The following SPATA13 variants were observed in gnomAD, a reference collection of about 807,000 sequenced individuals.
The protein encoded by SPATA13 is spermatogenesis associated 13.
Under a neutral mutation model 104.0 loss-of-function variants are expected in SPATA13, and 50 were observed. The observed-to-expected ratio is 0.48, with a 90% CI of 0.38 to 0.61. The LOEUF (loss-of-function observed/expected upper bound fraction) is 0.61, where lower values mean the gene tolerates loss of function less well. SPATA13 is among the 20% of genes least tolerant of loss of function. The pLI, the probability that SPATA13 is intolerant of heterozygous loss-of-function variation, is 0.00. For synonymous variants in SPATA13, 606 were observed against 667.5 expected (o/e 0.91, Z 1.42); for missense variants, 1,524 against 1,690.6 (o/e 0.90, Z 1.73).
At chr13:24,170,955 C>A (rs1485557491) in intron 1 of SPATA13, among the ~76,000 whole-genome samples, 2 of 151,992 alleles carry the variant, frequency 1.3e-5, no homozygotes, top group African/African-American at 2.4e-5. Flanking sequence ...GTTACACTTG[C>A]ATGGTTATTC....
chr13:24,083,656 A>G (rs1391325077), intron 3 of SPATA13, among the ~76,000 whole-genome samples: 1 of 152,224 alleles, frequency 6.6e-6, no homozygotes, highest in East Asian at 1.9e-4. Context: ...AGAGTGGATT[A>G]AAAGGTTACT....
At chr13:24,076,431 C>T (rs552804642) in intron 3 of SPATA13, among the ~76,000 whole-genome samples, 16 of 152,294 alleles carry the variant, frequency 1.1e-4, no homozygotes, top group East Asian at 3.9e-4. Flanking sequence ...ATGAAAACAG[C>T]TGTCCCAAAG....
rs917338885 is a variant in SPATA13, at chr13:24,090,615, A to G, written c.-112+72914A>G. ...TCTCCCATCCCACTGTCCCTACCCC[A>G]CTTAGAGTTACCACAGCTTCTTGAC... On this transcript the variant is annotated intron_variant, in intron 3 of 14. Coordinates refer to the SPATA13 transcript ENST00000424834. 8.6e-5 allele frequency among the ~76,000 whole-genome samples: 13 copies of G among 152,038 alleles called. No homozygotes were observed. The East Asian group carries it at 2.5e-3, about 29-fold the overall frequency.
At chr13:24,055,226 T>C (rs1454260034) in intron 3 of SPATA13, among the ~76,000 whole-genome samples, 2 of 152,226 alleles carry the variant, frequency 1.3e-5, no homozygotes, top group Non-Finnish European at 2.9e-5. Context: ...TTCTATCTTG[T>C]TGTTGTTCTT....
intron 1 of SPATA13, among the ~76,000 whole-genome samples, chr13:24,193,863 G>A (rs1324627339): frequency 6.6e-6 from 1 of 152,202 alleles, no homozygotes; most frequent in Non-Finnish European, 1.5e-5. Flanking sequence ...TGAGGAAGAT[G>A]GATGTGGAGA....
chr13:24,160,738 C>G lies in SPATA13; in HGVS notation c.-306C>G. 17 of 985,554 alleles carry G rather than the reference C, an allele frequency of 1.7e-5. No individual in the cohort carries two copies. Among genetic ancestry groups the G allele is most frequent in the Non-Finnish European group, 2.0e-5 (17 of 830,160 alleles). 61.1% of individuals were successfully genotyped at this position (985,554 alleles called of 1,614,324 possible). ...CTTGGCTGAGTGTGCTGCCGCGGCGCGGGAGGAGAGTGTGCGTTGCGCTTT... is the reference window on the plus strand; with the variant it reads ...CTTGGCTGAGTGTGCTGCCGCGGCGGGGGAGGAGAGTGTGCGTTGCGCTTT... On this transcript the variant is annotated 5_prime_UTR_variant, in exon 1 of 13. Coordinates refer to ENST00000382108, the MANE Select transcript of SPATA13 (RefSeq NM_001166271.3).
At chr13:24,163,498 T>C (rs991938862) in intron 1 of SPATA13, among the ~76,000 whole-genome samples, 3 of 152,256 alleles carry the variant, frequency 2.0e-5, no homozygotes, top group African/African-American at 7.2e-5. Context: ...GACAGATCTT[T>C]ATGGTCTCTG....
At chr13:24,276,976 C>T (rs57532147) in intron 4 of SPATA13, among the ~76,000 whole-genome samples, 2,710 of 152,302 alleles carry the variant, frequency 0.018, 75 homozygotes, top group African/African-American at 0.062. Flanking sequence ...ATTTCCCCAT[C>T]AGCAATTCGT....
At chr13:23,980,254 C>G (rs1874817740) in intron 1 of SPATA13, among the ~76,000 whole-genome samples, 1 of 152,136 alleles carries the variant, frequency 6.6e-6, no homozygotes, top group Non-Finnish European at 1.5e-5. Context: ...ATAGGGGCGC[C>G]GGGGCAGTAG....
intron 3 of SPATA13, among the ~76,000 whole-genome samples, chr13:24,058,044 C>T (rs374097665): frequency 1.1e-4 from 16 of 151,856 alleles, no homozygotes; most frequent in South Asian, 2.1e-4. Context: ...ATACACCCAA[C>T]GCAAGATGAG....
chr13:24,174,969 A>AT, intron 1 of SPATA13, among the ~76,000 whole-genome samples: 1 of 152,076 alleles, frequency 6.6e-6, no homozygotes, highest in Non-Finnish European at 1.5e-5. Context: ...TTTTTTGTTA[A>AT]CTTTCTGTTA....
At chr13:23,985,070 C>G (rs535833782) in intron 2 of SPATA13, among the ~76,000 whole-genome samples, 68 of 152,270 alleles carry the variant, frequency 4.5e-4, no homozygotes, top group African/African-American at 1.6e-3. Flanking sequence ...AACAGAATAA[C>G]CAAACACAGA....
intron 4 of SPATA13, among the ~76,000 whole-genome samples, chr13:24,253,668 T>C (rs866590330): frequency 2.6e-5 from 4 of 152,032 alleles, no homozygotes; most frequent in Middle Eastern, 3.4e-3. Context: ...TTGGGTAATG[T>C]GAGGAGTAGG....
intron 4 of SPATA13, among the ~76,000 whole-genome samples, chr13:24,266,553 G>C (rs539214872): frequency 6.6e-6 from 1 of 152,262 alleles, no homozygotes; most frequent in South Asian, 2.1e-4. Flanking sequence ...CCAAAGTGCT[G>C]GGATCAAGGC....
intron 3 of SPATA13, among the ~76,000 whole-genome samples, chr13:24,098,606 AAAG>A (rs1311647023): frequency 1.4e-5 from 2 of 147,810 alleles, no homozygotes; most frequent in Non-Finnish European, 3.0e-5. Context: ...AAAAAAAAAA[AAAG>A]AAGAAGAAGA....
At chr13:24,074,117 A>G (rs1593313232) in intron 3 of SPATA13, among the ~76,000 whole-genome samples, 1 of 149,118 alleles carries the variant, frequency 6.7e-6, no homozygotes, top group African/African-American at 2.5e-5. Context: ...TGTACATCCA[A>G]TCTTCAGGAC....
chr13:24,167,413 A>G (rs142955628), intron 1 of SPATA13, among the ~76,000 whole-genome samples: 44 of 152,348 alleles, frequency 2.9e-4, no homozygotes, highest in African/African-American at 9.4e-4. Context: ...CTAATTCTGT[A>G]AGCTAATCCC....
rs1877198781 is a variant in SPATA13 at position 24,301,739 on chromosome 13, T to G, written c.3659-859T>G. ...TTCAGGGCCCACCCTCTTCGTGCCA[T>G]GCTGACTTACACAGTTACGTTTTAA... On this transcript the variant is annotated intron_variant, in intron 12 of 12. Coordinates refer to ENST00000382108, the MANE Select transcript of SPATA13 (RefSeq NM_001166271.3). Among the ~76,000 whole-genome samples, 3 of 152,242 alleles carry G rather than the reference T, an allele frequency of 2.0e-5. No homozygotes were observed. The South Asian group carries it at 6.2e-4, about 32-fold the overall frequency.
At chr13:24,193,457 G>A (rs1244062195) in intron 1 of SPATA13, among the ~76,000 whole-genome samples, 1 of 152,202 alleles carries the variant, frequency 6.6e-6, no homozygotes, top group Admixed American at 6.5e-5. Context: ...TGAGGAGTGA[G>A]GCCTGCGGGG....
Sources: allele counts gnomAD v4.1 joint callset (sites outside exome capture counted in the v4.1 genomes callset), GRCh38; gene constraint gnomAD v4.1.1; transcripts MANE v1.5; gene names NCBI Gene and HGNC (gene_info 2026-07-23, HGNC 2026-07-21).